Variants in LOXL2 observed in about 807,000 individuals in gnomAD.
The protein encoded by LOXL2 is lysyl oxidase like 2.
LOXL2 carries 70 observed loss-of-function variants against 93.0 expected under a neutral mutation model. The observed-to-expected ratio is 0.75, with a 90% CI of 0.62 to 0.92. The LOEUF (loss-of-function observed/expected upper bound fraction) is 0.92. LOXL2 is among the 40% of genes least tolerant of loss of function. The probability of loss-of-function intolerance (pLI) is 0.00; values close to 1 mark genes in which losing one functional copy is unlikely to be tolerated. For synonymous variants in LOXL2, 438 were observed against 413.2 expected, an observed-to-expected ratio of 1.06 and a Z score of -0.73; for missense variants, 973 against 1,054.9, an observed-to-expected ratio of 0.92 and a Z score of 1.08.
intron 6 of LOXL2, among the ~76,000 whole-genome samples, chr8:23,326,406 T>C (rs1016366966): frequency 2.0e-5 from 3 of 152,106 alleles, no homozygotes; most frequent in Admixed American, 1.3e-4. Flanking sequence ...TGTAGGCCCT[T>C]GGAGAGCACA....
At chr8:23,402,013 T>C (rs937359638) in intron 1 of LOXL2, among the ~76,000 whole-genome samples, 7 of 152,216 alleles carry the variant, frequency 4.6e-5, no homozygotes, top group African/African-American at 1.7e-4. Flanking sequence ...AACACACATA[T>C]ACATATACAC....
intron 12 of LOXL2, among the ~76,000 whole-genome samples, chr8:23,300,273 C>T (rs949086850): frequency 6.6e-6 from 1 of 152,234 alleles, no homozygotes; most frequent in African/African-American, 2.4e-5. Context: ...TCACCCCACT[C>T]ATCTACTGCA....
chr8:23,346,442 G>T (rs189192372), intron 3 of LOXL2, among the ~76,000 whole-genome samples: 1 of 152,116 alleles, frequency 6.6e-6, no homozygotes, highest in Non-Finnish European at 1.5e-5. Flanking sequence ...ATTTGCACCC[G>T]TTCCTAGAAG....
intron 1 of LOXL2, among the ~76,000 whole-genome samples, chr8:23,400,652 C>G (rs1015339942): frequency 1.3e-5 from 2 of 152,162 alleles, no homozygotes; most frequent in Non-Finnish European, 2.9e-5. Context: ...GATTTGAGGG[C>G]TTCAGCATGA....
intron 3 of LOXL2, among the ~76,000 whole-genome samples, chr8:23,346,845 G>A (rs1429969760): frequency 1.3e-5 from 2 of 152,190 alleles, no homozygotes; most frequent in African/African-American, 2.4e-5. Context: ...CATCCTGAGG[G>A]TGAGGAGGGG....
intron 10 of LOXL2, among the ~76,000 whole-genome samples, chr8:23,307,548 G>A (rs1198104406): frequency 1.3e-5 from 2 of 152,174 alleles, no homozygotes; most frequent in Non-Finnish European, 2.9e-5. Flanking sequence ...ATTCTTAGAG[G>A]AGACCAAGTC....
At chr8:23,303,843 T>C (rs1803182896) in intron 10 of LOXL2, among the ~76,000 whole-genome samples, 1 of 151,978 alleles carries the variant, frequency 6.6e-6, no homozygotes, top group South Asian at 2.1e-4. Flanking sequence ...TGGAATATGG[T>C]AGGGAGAAAA....
At position 23,383,862 on chromosome 8, in the gene LOXL2, G is replaced by A. The variant is rs976869442; in HGVS notation, c.-83-15428C>T. Among the ~76,000 whole-genome samples, 45 of 151,792 alleles carry A rather than the reference G, an allele frequency of 3.0e-4. 1 individual carries two copies. The highest frequency in any genetic ancestry group is 9.2e-4 in the Admixed American group (14 of 15,234). ...TTTTTAGTAGAGACGGGGTTTCACC[G>A]TGTTAGCCAGGATGGTCTCGATCTG... On this transcript the variant is annotated intron_variant, in intron 1 of 13. Coordinates refer to ENST00000389131, the MANE Select transcript of LOXL2 (RefSeq NM_002318.3).
chr8:23,347,219 T>G (rs1342764948), intron 3 of LOXL2, among the ~76,000 whole-genome samples: 3 of 150,896 alleles, frequency 2.0e-5, no homozygotes, highest in African/African-American at 4.9e-5. Flanking sequence ...TAGCTGGGTA[T>G]GGTGGTGCAT....
At chr8:23,335,953 C>T (rs1363919564) in intron 4 of LOXL2, among the ~76,000 whole-genome samples, 1 of 152,166 alleles carries the variant, frequency 6.6e-6, no homozygotes, top group Non-Finnish European at 1.5e-5. Context: ...ATTCAGGGTG[C>T]GTGCTCACCA....
At position 23,322,423 on chromosome 8, in the gene LOXL2, C is replaced by G. The variant is rs1012042981; in HGVS notation, c.1151-142G>C. On this transcript the variant is annotated intron_variant, in intron 6 of 13. Coordinates refer to ENST00000389131, the MANE Select transcript of LOXL2 (RefSeq NM_002318.3). ...GCCTCTTGTAATCAGCTCAATGACC[C>G]AAGCCTCTTCTCCCCAGAGAGAACA... 7.7e-6 allele frequency: 5 copies of G among 646,322 alleles called. No homozygotes were observed. In the Admixed American group the frequency reaches 8.8e-5, roughly 11 times the overall value. 40.0% of individuals were successfully genotyped at this position (646,322 alleles called of 1,614,324 possible). A position where few individuals can be genotyped will look rare whatever the true frequency, so the allele number is the denominator to read the frequency against.
rs1346183510 is a variant in LOXL2 at position 23,328,580 on chromosome 8, G to A, written c.967-15C>T. ...ACCAGGGGTTGCTGAAGAGACACAC[G>A]GTCCTGCTGAGTACAGACGCTGATG... On this transcript the variant is annotated splice_polypyrimidine_tract_variant and intron_variant, in intron 5 of 13. Coordinates refer to ENST00000389131, the MANE Select transcript of LOXL2 (RefSeq NM_002318.3). 8 of 1,612,774 alleles carry A rather than the reference G, an allele frequency of 5.0e-6. No homozygotes were observed. In the African/African-American group the frequency reaches 5.3e-5, roughly 11 times the overall value.
chr8:23,322,794 G>C (rs139648163), intron 6 of LOXL2, among the ~76,000 whole-genome samples: 6 of 152,364 alleles, frequency 3.9e-5, no homozygotes, highest in African/African-American at 1.4e-4. Context: ...GTACTCAGGA[G>C]CTAGTGACAC....
Position 23,404,046 on chromosome 8 carries a change from C to A in LOXL2, c.-176G>T. ...GCCGCCGCTGAGCCCCTTTCTCGAGCAGAGGGGGCGGCTCTGGTCTCCGAT... is the reference window on the plus strand; with the variant it reads ...GCCGCCGCTGAGCCCCTTTCTCGAGAAGAGGGGGCGGCTCTGGTCTCCGAT... On this transcript the variant is annotated 5_prime_UTR_variant, in exon 1 of 14. Coordinates refer to ENST00000389131, the MANE Select transcript of LOXL2 (RefSeq NM_002318.3). 5.0e-6 allele frequency: 1 copy of A among 200,992 alleles called. No individual in the cohort carries two copies. Among genetic ancestry groups the A allele is most frequent in the South Asian group, 6.0e-5 (1 of 16,720 alleles). 12.5% of individuals were successfully genotyped at this position (200,992 alleles called of 1,614,324 possible).
intron 2 of LOXL2, among the ~76,000 whole-genome samples, chr8:23,361,947 G>A (rs919130253): frequency 1.3e-5 from 2 of 152,166 alleles, no homozygotes; most frequent in Non-Finnish European, 2.9e-5. Context: ...AACACAAAAT[G>A]GTGCAGCTAC....
At chr8:23,334,456 GTC>G (rs1321572105) in intron 4 of LOXL2, among the ~76,000 whole-genome samples, 3 of 152,216 alleles carry the variant, frequency 2.0e-5, no homozygotes, top group Non-Finnish European at 4.4e-5. Context: ...AATGAAAACA[GTC>G]TTAAATTACT....
In LOXL2 at chr8:23,333,552, A is replaced by G. The variant is rs760846310; in HGVS notation, c.815T>C (p.Ile272Thr). ...CTGGGGGCCCAGCTTGCAGCTGGAGATGTGGGCCTCTGTGCCGGTGCAGTC... is the reference window on the plus strand; with the variant it reads ...CTGGGGGCCCAGCTTGCAGCTGGAGGTGTGGGCCTCTGTGCCGGTGCAGTC... ...SMDCTGTEAH[I>T]SSCKLGPQVS... Residue 272 changes from isoleucine to threonine, a missense_variant, in exon 5 of 14, where the codon ATC becomes ACC. Physicochemically the swap from Ile to Thr is moderately conservative, Grantham distance 89. Coordinates refer to ENST00000389131, the MANE Select transcript of LOXL2 (RefSeq NM_002318.3). The G allele has an allele frequency of 1.2e-6, 2 of 1,613,890 alleles. No individual in the cohort carries two copies. Among genetic ancestry groups the G allele is most frequent in the Admixed American group, 3.3e-5 (2 of 60,026 alleles).
chr8:23,368,501 C>T (rs6999447), intron 1 of LOXL2, 67 bp from the exon 2 acceptor site: 237,426 of 651,272 alleles, frequency 0.36, 44,976 homozygotes, highest in East Asian at 0.54. Context: ...AGAGAACCAG[C>T]GATTTCATAC....
At chr8:23,327,062 A>G (rs1482250015) in intron 6 of LOXL2, among the ~76,000 whole-genome samples, 1 of 152,218 alleles carries the variant, frequency 6.6e-6, no homozygotes, top group Non-Finnish European at 1.5e-5. Context: ...CTCTTGGACT[A>G]GAGGACCTGA....
Sources: allele counts gnomAD v4.1 joint callset (sites outside exome capture counted in the v4.1 genomes callset), GRCh38; gene constraint gnomAD v4.1.1; transcripts MANE v1.5; gene names NCBI Gene and HGNC (gene_info 2026-07-23, HGNC 2026-07-21).